Variants in ANGPTL5 observed in about 807,000 individuals in gnomAD.
ANGPTL5 encodes angiopoietin-related protein 5.
ANGPTL5 carries 34 observed loss-of-function variants against 39.4 expected under a neutral mutation model. That is an observed-to-expected ratio of 0.86 (90% CI 0.66 to 1.15). The LOEUF (loss-of-function observed/expected upper bound fraction) is 1.15, where lower values mean the gene tolerates loss of function less well. Among genes scored for constraint, ANGPTL5 ranks in the 50% most tolerant of loss-of-function variants. The pLI is 0.00. For missense variants in ANGPTL5, 467 were observed against 457.5 expected, an observed-to-expected ratio of 1.02 and a Z score of -0.19; for synonymous variants, 146 against 152.1, an observed-to-expected ratio of 0.96 and a Z score of 0.29.
rs769861010 is a variant in ANGPTL5, at chr11:101,915,296, G to A, written c.-93+723C>T. 5 of 1,613,552 alleles carry A rather than the reference G, an allele frequency of 3.1e-6. No homozygotes were observed. In the African/African-American group the frequency reaches 5.3e-5, roughly 17 times the overall value. On this transcript the variant is annotated intron_variant, in intron 1 of 8. Transcript: ENST00000334289. ...CGCTGAAGTGAAGGATGCTGGCGGG[G>A]AGGCCCGGAACCCGGAGCGCGGTCG...
intron 8 of ANGPTL5, 95 bp downstream of exon 8, chr11:101,894,784 A>T: frequency 8.5e-7 from 1 of 1,182,354 alleles, no homozygotes; most frequent in Non-Finnish European, 1.2e-6. Flanking sequence ...GTTATGTGTT[A>T]TATACAAAGA....
Position 101,890,718 on chromosome 11 carries a change from T to C in ANGPTL5, c.*561A>G, listed in dbSNP as rs1167210265. On this transcript the variant is annotated 3_prime_UTR_variant, in exon 9 of 9. Coordinates refer to ENST00000334289, the MANE Select transcript of ANGPTL5 (RefSeq NM_178127.5). ...ATATTTATTACAAACAATAACAAAA[T>C]AGTTAACCATGATTAGATATGAAAA... 2 of 152,302 alleles carry C rather than the reference T, an allele frequency of 1.3e-5. No individual in the cohort carries two copies. Among genetic ancestry groups the C allele is most frequent in the Non-Finnish European group, 2.9e-5 (2 of 68,160 alleles). The allele number at this position is 152,302 out of a possible 1,614,324, so 9.4% of individuals were successfully genotyped here. A position where few individuals can be genotyped will look rare whatever the true frequency, so the allele number is the denominator to read the frequency against.
intron 5 of ANGPTL5, among the ~76,000 whole-genome samples, chr11:101,903,826 C>CTGA (rs1164347049): frequency 2.0e-5 from 3 of 152,112 alleles, no homozygotes; most frequent in Non-Finnish European, 4.4e-5. Flanking sequence ...TATTTCTTAT[C>CTGA]TGATGATGAT....
chr11:101,907,108 A>G lies in ANGPTL5; in HGVS notation c.236T>C (p.Met79Thr), dbSNP rs80336939. 17 of 1,573,546 alleles carry G rather than the reference A, an allele frequency of 1.1e-5. No individual in the cohort carries two copies. In the East Asian group the frequency reaches 3.6e-4, roughly 33 times the overall value. The part of the protein sequence containing the change: ...TKITREEKHF[M>T]CRNLQNSIVS... ...TGTTTATTTTTAATACTTACTACAC[A>G]TGAAATGTTTTTCTTCTCGTGTAAT... Residue 79 changes from methionine (M) to threonine (T), a missense_variant, in exon 3 of 9, where the codon ATG becomes ACG. Physicochemically the swap from Met to Thr is moderately conservative, Grantham distance 81. Transcript: ENST00000334289.
chr11:101,891,207 G>A lies in ANGPTL5; in HGVS notation c.*72C>T, dbSNP rs889642815. On this transcript the variant is annotated 3_prime_UTR_variant, in exon 9 of 9. Coordinates refer to ENST00000334289, the MANE Select transcript of ANGPTL5 (RefSeq NM_178127.5). ...TTGCCTAATATGTTTGAAACACTAA[G>A]TGAAAAGATAAACTTTTAAAAATCT... 6 of 1,396,964 alleles carry A rather than the reference G, an allele frequency of 4.3e-6. No individual in the cohort carries two copies. The Admixed American group carries it at 8.2e-5, about 19-fold the overall frequency. 86.5% of individuals were successfully genotyped at this position (1,396,964 alleles called of 1,614,324 possible).
In ANGPTL5 at chr11:101,907,101, A is replaced by T. The variant is rs991473557; in HGVS notation, c.241+2T>A. 1 of 1,556,622 alleles carries T rather than the reference A, an allele frequency of 6.4e-7. No individual in the cohort carries two copies. The highest frequency in any genetic ancestry group is 1.4e-5 in the African/African-American group (1 of 73,500). On this transcript the variant is annotated splice_donor_variant, in intron 3 of 8. Transcript: ENST00000334289. LOFTEE classifies it high-confidence loss of function. Reference sequence around the variant, plus strand: ...ATTATTTTGTTTATTTTTAATACTTACTACACATGAAATGTTTTTCTTCTC... The same window carrying T: ...ATTATTTTGTTTATTTTTAATACTTTCTACACATGAAATGTTTTTCTTCTC...
chr11:101,914,147 G>C (rs1259827155), intron 1 of ANGPTL5, among the ~76,000 whole-genome samples: 1 of 152,150 alleles, frequency 6.6e-6, no homozygotes, highest in East Asian at 1.9e-4. Context: ...ATTCACAAAG[G>C]CAGAGACATT....
chr11:101,911,403 C>A (rs769109068), intron 1 of ANGPTL5, among the ~76,000 whole-genome samples: 2 of 152,000 alleles, frequency 1.3e-5, no homozygotes, highest in Non-Finnish European at 2.9e-5. Context: ...GGATTACAGG[C>A]GTGAGCCACC....
Position 101,891,297 on chromosome 11 carries a change from G to T in ANGPTL5, c.1149C>A (p.Tyr383Ter). The T allele has an allele frequency of 6.2e-7, 1 of 1,610,668 alleles. No individual in the cohort carries two copies. The highest frequency in any genetic ancestry group is 8.5e-7 in the Non-Finnish European group (1 of 1,176,904). Residue 383 changes from tyrosine (Y) to a stop codon, truncating the protein, a stop_gained, in exon 9 of 9, where the codon TAC (tyrosine) becomes TAA (stop). Transcript: ENST00000334289. LOFTEE classifies it high-confidence loss of function. ...AATGAGATTATTTAAAATATGGATT[G>T]TACATTCTTCTAATTTTCATTGAAA... ...KSVSMKIRRMYNPYFK is the reference protein window; with the variant it reads ...KSVSMKIRRM
intron 1 of ANGPTL5, 78 bp downstream of exon 1, chr11:101,915,941 G>GA: frequency 6.6e-6 from 1 of 152,396 alleles, no homozygotes; most frequent in East Asian, 1.9e-4. Flanking sequence ...CAGAAAAGAG[G>GA]AAATGAGAAA....
At chr11:101,900,877 AATCTCC>A (rs916125724) in intron 6 of ANGPTL5, among the ~76,000 whole-genome samples, 25 of 151,900 alleles carry the variant, frequency 1.6e-4, no homozygotes, top group African/African-American at 6.0e-4. Context: ...TTTGAGACAG[AATCTCC>A]CTCTGTCGCC....
At chr11:101,912,173 G>C (rs1940101646) in intron 1 of ANGPTL5, among the ~76,000 whole-genome samples, 1 of 152,250 alleles carries the variant, frequency 6.6e-6, no homozygotes, top group Admixed American at 6.5e-5. Flanking sequence ...AAAGTGCTTG[G>C]CACATAGTAG....
At position 101,891,261 on chromosome 11, in the gene ANGPTL5, T is replaced by C. The variant is rs775194847; in HGVS notation, c.*18A>G. 3.2e-6 allele frequency: 5 copies of C among 1,577,926 alleles called. No homozygotes were observed. ...ATATATTATCATTGTAGAACTTGCA[T>C]TACAATGTTAAATGAGATTATTTAA... On this transcript the variant is annotated 3_prime_UTR_variant, in exon 9 of 9. Transcript: ENST00000334289.
Position 101,900,557 on chromosome 11 carries a change from T to C in ANGPTL5, c.541-7A>G. ...AATCCATGTCACACATTACCTAAAA[T>C]AAGCACAGAGAAGACCAAAATAATA... On this transcript the variant is annotated splice_polypyrimidine_tract_variant and splice_region_variant and intron_variant, in intron 6 of 8. Transcript: ENST00000334289. 2 of 1,609,554 alleles carry C rather than the reference T, an allele frequency of 1.2e-6. No homozygotes were observed. Among genetic ancestry groups the C allele is most frequent in the Non-Finnish European group, 1.7e-6 (2 of 1,176,252 alleles).
At chr11:101,895,704 A>G (rs1271636730) in intron 7 of ANGPTL5, among the ~76,000 whole-genome samples, 1 of 152,206 alleles carries the variant, frequency 6.6e-6, no homozygotes, top group Admixed American at 6.5e-5. Flanking sequence ...TTCAGGATGA[A>G]ATATAAAACT....
Position 101,905,790 on chromosome 11 carries a change from T to C in ANGPTL5, c.299A>G (p.Asn100Ser), listed in dbSNP as rs1313435519. The change falls in exon 4 of 9, where the codon AAT (asparagine) becomes AGT (serine). Residue 100 changes from asparagine to serine, a missense_variant. By Grantham distance (46) the Asn-to-Ser change is conservative. Transcript: ENST00000334289. ...YTRSTKKLLR[N>S]MMDEQQASLD... ...GGAAGCTTGTTGCTCATCCATCATA[T>C]TCCTTAGTAGTTTTTTGGTACTTCT... is the stretch of plus-strand genomic sequence containing the variant. 2 of 1,612,396 alleles carry C rather than the reference T, an allele frequency of 1.2e-6. No individual in the cohort carries two copies. The highest frequency in any genetic ancestry group is 8.5e-7 in the Non-Finnish European group (1 of 1,179,098).
intron 1 of ANGPTL5, among the ~76,000 whole-genome samples, chr11:101,914,383 C>A (rs963625437): frequency 6.6e-6 from 1 of 152,164 alleles, no homozygotes; most frequent in South Asian, 2.1e-4. Flanking sequence ...CATTTCAATG[C>A]GATGATCTCT....
intron 8 of ANGPTL5, among the ~76,000 whole-genome samples, chr11:101,894,033 A>G (rs916838812): frequency 6.6e-6 from 1 of 151,496 alleles, no homozygotes; most frequent in Non-Finnish European, 1.5e-5. Flanking sequence ...CCCATGTTGA[A>G]TCTAACATTA....
At chr11:101,902,563 T>A in intron 6 of ANGPTL5, 58 bp downstream of exon 6, 1 of 1,195,500 alleles carries the variant, frequency 8.4e-7, no homozygotes. Context: ...TAAATTAAAT[T>A]GGTTGGATGT....
Sources: allele counts gnomAD v4.1 joint callset (sites outside exome capture counted in the v4.1 genomes callset), GRCh38; gene constraint gnomAD v4.1.1; transcripts MANE v1.5; gene names NCBI Gene and HGNC (gene_info 2026-07-23, HGNC 2026-07-21).